TNC: variants seen among roughly 807,000 people sequenced by gnomAD.
TNC encodes tenascin.
TNC carries 109 observed loss-of-function variants against 202.4 expected under a neutral mutation model. The observed-to-expected ratio is 0.54, with a 90% confidence interval of 0.46 to 0.63. The LOEUF (loss-of-function observed/expected upper bound fraction) is 0.63, where lower values mean the gene tolerates loss of function less well. Among genes scored for constraint, TNC ranks in the 30% least tolerant of loss-of-function variants. TNC has a pLI of 0.00. For synonymous variants in TNC, 1,007 were observed against 1,089.7 expected, an observed-to-expected ratio of 0.92 and a Z score of 1.50; for missense variants, 2,756 against 2,833.3, an observed-to-expected ratio of 0.97 and a Z score of 0.62.
chr9:115,098,276 C>G (rs1835945470), intron 1 of TNC, among the ~76,000 whole-genome samples: 1 of 152,178 alleles, frequency 6.6e-6, no homozygotes, highest in African/African-American at 2.4e-5. Context: ...AAACCAAGGC[C>G]AGTGTCATGC....
At position 115,059,757 on chromosome 9, in the gene TNC, G is replaced by A; in HGVS notation, c.4279C>T (p.Pro1427Ser). 6.2e-7 allele frequency: 1 copy of A among 1,612,296 alleles called. No homozygotes were observed. Among genetic ancestry groups the A allele is most frequent in the East Asian group, 2.2e-5 (1 of 44,832 alleles). Residue 1427 changes from proline (P) to serine (S), a missense_variant, in exon 14 of 28, where the codon CCA (proline) becomes TCA (serine). Physicochemically the swap from Pro to Ser is moderately conservative, Grantham distance 74. Transcript: ENST00000350763. ...GTGGAGGCCTCAGCAGAGAGTACTGGTGTTCTATAGCCCCGGATCACCCCA... is the reference window on the plus strand; with the variant it reads ...GTGGAGGCCTCAGCAGAGAGTACTGATGTTCTATAGCCCCGGATCACCCCA... ...IYGVIRGYRT[P>S]VLSAEASTAK... is the part of the protein sequence containing the mutation.
At chr9:115,052,948 C>T in intron 15 of TNC, 1 of 702,684 alleles carries the variant, frequency 1.4e-6, no homozygotes, top group Non-Finnish European at 2.6e-6. Context: ...CTTGAGTGGT[C>T]CATGACATGT....
chr9:115,100,596 T>C (rs1835183889), intron 1 of TNC, among the ~76,000 whole-genome samples: 1 of 152,204 alleles, frequency 6.6e-6, no homozygotes, highest in African/African-American at 2.4e-5. Flanking sequence ...AGGAATTCGA[T>C]TAAGATCTAT....
chr9:115,113,328 A>C (rs965771044), intron 1 of TNC, among the ~76,000 whole-genome samples: 1 of 152,182 alleles, frequency 6.6e-6, no homozygotes, highest in Non-Finnish European at 1.5e-5. Flanking sequence ...TACTTTCTGC[A>C]TGGTATTGGG....
At chr9:115,061,558 A>G (rs1832547655) in intron 13 of TNC, among the ~76,000 whole-genome samples, 1 of 152,232 alleles carries the variant, frequency 6.6e-6, no homozygotes, top group Non-Finnish European at 1.5e-5. Context: ...CAGGCAACAC[A>G]GGAATAAAAC....
intron 10 of TNC, among the ~76,000 whole-genome samples, chr9:115,071,058 C>A (rs898268663): frequency 1.3e-5 from 2 of 152,208 alleles, no homozygotes; most frequent in African/African-American, 4.8e-5. Flanking sequence ...ATCTCAGTGT[C>A]TGTTTGTTCG....
At chr9:115,102,221 C>G (rs910867238) in intron 1 of TNC, among the ~76,000 whole-genome samples, 2 of 152,124 alleles carry the variant, frequency 1.3e-5, no homozygotes, top group East Asian at 1.9e-4. Flanking sequence ...TTTTATACAG[C>G]CTTTTGTGCT....
intron 2 of TNC, among the ~76,000 whole-genome samples, chr9:115,088,745 C>G (rs2133585005): frequency 6.6e-6 from 1 of 151,784 alleles, no homozygotes; most frequent in Non-Finnish European, 1.5e-5. Flanking sequence ...TATGTACTAT[C>G]TAGTATGGTG....
At position 115,051,874 on chromosome 9, in the gene TNC, T is replaced by C. The variant is rs140889925; in HGVS notation, c.4580-3342A>G. 9.7e-3 allele frequency among the ~76,000 whole-genome samples: 1,482 copies of C among 152,050 alleles called. 22 individuals carry two copies. The highest frequency in any genetic ancestry group is 0.033 in the African/African-American group (1,382 of 41,490). On this transcript the variant is annotated intron_variant, in intron 15 of 27. Transcript: ENST00000350763. ...CAACTCTTGAGAACGTTCTCTCCAC[T>C]TCCTAAGAGCAGCTGTGAAAGTCCT...
intron 7 of TNC, among the ~76,000 whole-genome samples, chr9:115,077,349 C>T (rs1833952086): frequency 6.6e-6 from 1 of 152,190 alleles, no homozygotes; most frequent in South Asian, 2.1e-4. Context: ...AGCCACTGCG[C>T]CTGACCCCAA....
chr9:115,090,720 A>G lies in TNC; in HGVS notation c.299T>C (p.Phe100Ser). ...GCGGGGGATGTTGATGCGATGTGTG[A>G]AGACAATCTGGTTTTCCCCATCCAC... ...HTVDGENQIV[F>S]THRINIPRRA... The change falls in exon 2 of 28, where the codon TTC becomes TCC. Residue 100 changes from phenylalanine to serine, a missense_variant. Transcript: ENST00000350763. 6.2e-7 allele frequency: 1 copy of G among 1,614,192 alleles called. No homozygotes were observed. Among genetic ancestry groups the G allele is most frequent in the Non-Finnish European group, 8.5e-7 (1 of 1,180,022 alleles).
intron 18 of TNC, 96 bp downstream of exon 18, chr9:115,042,123 C>G (rs1830801740): frequency 1.3e-6 from 2 of 1,485,678 alleles, no homozygotes; most frequent in Non-Finnish European, 1.8e-6. Flanking sequence ...TTTCTTTGAT[C>G]ATGATGTTAG....
At chr9:115,110,535 G>T (rs1836961133) in intron 1 of TNC, among the ~76,000 whole-genome samples, 1 of 152,162 alleles carries the variant, frequency 6.6e-6, no homozygotes, top group Admixed American at 6.5e-5. Context: ...TGGGGAGGCA[G>T]TGAACAGATT....
At chr9:115,100,119 G>T (rs1347694935) in intron 1 of TNC, among the ~76,000 whole-genome samples, 1 of 152,156 alleles carries the variant, frequency 6.6e-6, no homozygotes, top group Non-Finnish European at 1.5e-5. Flanking sequence ...GCTTTCTACT[G>T]AATAGACTGC....
chr9:115,069,159 A>C (rs1020894421), intron 10 of TNC, among the ~76,000 whole-genome samples: 3 of 152,214 alleles, frequency 2.0e-5, no homozygotes, highest in Admixed American at 6.5e-5. Context: ...ATAAGAGCAG[A>C]ATGTTCTGTA....
chr9:115,116,035 G>A (rs1209784465), intron 1 of TNC, among the ~76,000 whole-genome samples: 2 of 152,216 alleles, frequency 1.3e-5, no homozygotes, highest in Non-Finnish European at 2.9e-5. Flanking sequence ...CCCTTAATAT[G>A]TGGAAGGTAC....
rs116793965 is a variant in TNC at position 115,042,652 on chromosome 9, C to G, written c.5126-311G>C. On this transcript the variant is annotated intron_variant, in intron 17 of 27. Coordinates refer to ENST00000350763, the MANE Select transcript of TNC (RefSeq NM_002160.4). ...CCCAGATTGGAATGTGACCCCCGTT[C>G]ATTTTTGATTTTTAACATTTTCTTA... 6.4e-3 allele frequency among the ~76,000 whole-genome samples: 971 copies of G among 152,260 alleles called. 11 individuals are homozygous for G. Among genetic ancestry groups the G allele is most frequent in the African/African-American group, 0.022 (912 of 41,542 alleles).
rs759893557 is a variant in TNC at position 115,084,421 on chromosome 9, T to A, written c.1919A>T (p.Asn640Ile). 40 of 1,614,074 alleles carry A rather than the reference T, an allele frequency of 2.5e-5. No homozygotes were observed. Among genetic ancestry groups the A allele is most frequent in the Non-Finnish European group, 3.2e-5 (38 of 1,180,054 alleles). ...VVTEVTEETVNLAWDNEMRVT... is the reference protein window; with the variant it reads ...VVTEVTEETVILAWDNEMRVT... ...CCGCATCTCATTGTCCCAGGCCAGG[T>A]TGACCGTCTCTTCCGTCACTTCTGT... Residue 640 changes from asparagine to isoleucine, a missense_variant, in exon 4 of 28, where the codon AAC becomes ATC. By Grantham distance (149) the Asn-to-Ile change is moderately radical. This residue lies in a region of TNC where 2,559 missense variants were observed against 2,546.0 expected (regional missense o/e 1.01). Transcript: ENST00000350763.
Position 115,042,316 on chromosome 9 carries a change from A to G in TNC, c.5151T>C (p.Ile1717=). ...TTAMGSPKEV[I]FSDITENSAT... The stretch of plus-strand genomic sequence containing the variant: ...CCGAATTTTCAGTGATGTCTGAGAA[A>G]ATGACTTCCTTTGGGGAGCCCATGG... Residue 1717 remains isoleucine, a synonymous_variant, in exon 18 of 28, where the codon ATT becomes ATC. Transcript: ENST00000350763. 2.5e-6 allele frequency: 4 copies of G among 1,614,122 alleles called. No homozygotes were observed. The highest frequency in any genetic ancestry group is 3.4e-6 in the Non-Finnish European group (4 of 1,179,976).
Sources: gnomAD v4.1 joint callset for allele counts (sites outside exome capture counted in the v4.1 genomes callset) on GRCh38, gnomAD v4.1.1 for gene constraint, gnomAD v4.1.1 regional missense constraint, MANE v1.5 for transcripts, NCBI Gene and HGNC (gene_info 2026-07-23, HGNC 2026-07-21) for gene names.